The following PTPRN2 variants were observed in gnomAD, a reference collection of about 807,000 sequenced individuals.
PTPRN2 encodes protein tyrosine phosphatase receptor type N2, also known as receptor-type tyrosine-protein phosphatase N2.
In PTPRN2, 74 loss-of-function variants were observed where a neutral mutation model predicts 118.8. The ratio of observed to expected loss-of-function variants is 0.62; its 90% confidence interval spans 0.52 to 0.76. PTPRN2 has a LOEUF of 0.76. Among genes scored for constraint, PTPRN2 ranks in the 30% least tolerant of loss-of-function variants. The pLI, the probability that PTPRN2 is intolerant of heterozygous loss-of-function variation, is 0.00. For missense variants in PTPRN2, 1,481 were observed against 1,394.4 expected, an observed-to-expected ratio of 1.06 and a Z score of -0.99; for synonymous variants, 641 against 608.0, an observed-to-expected ratio of 1.05 and a Z score of -0.80.
intron 17 of PTPRN2, among the ~76,000 whole-genome samples, chr7:157,592,078 C>G (rs935932627): frequency 6.6e-6 from 1 of 152,114 alleles, no homozygotes; most frequent in East Asian, 1.9e-4. Context: ...ACCTGCTGTC[C>G]GAGATGTGTC....
At chr7:157,557,206 CCA>C (rs1235842253) in intron 21 of PTPRN2, among the ~76,000 whole-genome samples, 1 of 151,398 alleles carries the variant, frequency 6.6e-6, no homozygotes, top group African/African-American at 2.4e-5. Context: ...CACACACACC[CCA>C]CTTACATAGG....
At chr7:158,492,649 T>C (rs1821542896) in intron 1 of PTPRN2, among the ~76,000 whole-genome samples, 1 of 152,194 alleles carries the variant, frequency 6.6e-6, no homozygotes, top group African/African-American at 2.4e-5. Flanking sequence ...GAGCTGCAAA[T>C]GTTATGCATA....
intron 1 of PTPRN2, among the ~76,000 whole-genome samples, chr7:158,557,546 G>A (rs1032829792): frequency 3.3e-5 from 5 of 152,224 alleles, no homozygotes; most frequent in Admixed American, 2.6e-4. Context: ...CCGCCGCTCC[G>A]CTCAACCCGT....
At chr7:157,564,076 C>T (rs973622687) in intron 21 of PTPRN2, among the ~76,000 whole-genome samples, 8 of 152,182 alleles carry the variant, frequency 5.3e-5, no homozygotes, top group African/African-American at 1.7e-4. Flanking sequence ...AGCAGAAGGT[C>T]TTTGTGACCT....
chr7:157,649,494 A>G (rs1805467934), intron 14 of PTPRN2, among the ~76,000 whole-genome samples: 1 of 144,118 alleles, frequency 6.9e-6, no homozygotes, highest in African/African-American at 2.5e-5. Flanking sequence ...GGACCCATCC[A>G]CTGTGCACTG....
intron 3 of PTPRN2, among the ~76,000 whole-genome samples, chr7:158,285,725 C>G (rs1478541634): frequency 1.3e-5 from 2 of 152,236 alleles, no homozygotes; most frequent in Non-Finnish European, 2.9e-5. Flanking sequence ...AGGAGTGGAA[C>G]AGCGTAGAGC....
chr7:158,363,992 G>A (rs1586466831), intron 2 of PTPRN2, among the ~76,000 whole-genome samples: 2 of 152,120 alleles, frequency 1.3e-5, no homozygotes, highest in South Asian at 4.1e-4. Flanking sequence ...CCCAGACATC[G>A]CCTCCTGCCG....
intron 12 of PTPRN2, among the ~76,000 whole-genome samples, chr7:157,822,552 C>T (rs1003505646): frequency 2.6e-5 from 4 of 151,958 alleles, no homozygotes; most frequent in Admixed American, 6.6e-5. Context: ...TCCATCCAAT[C>T]ATCCGCTATC....
rs1808757452 is a variant in PTPRN2, at chr7:157,845,718, C to T, written c.1788+52955G>A. Among the ~76,000 whole-genome samples, 1 of 152,148 alleles carries T rather than the reference C, an allele frequency of 6.6e-6. No homozygotes were observed. Among genetic ancestry groups the T allele is most frequent in the Admixed American group, 6.5e-5 (1 of 15,272 alleles). On this transcript the variant is annotated intron_variant, in intron 12 of 22. Transcript: ENST00000389418. The surrounding 1 kb of genome is among the most constrained non-coding windows in gnomAD (Gnocchi z 4.5). ...AGAAACCAACATGGAGCTGAGGCCC[C>T]AGAGAGGTCCCTGTGCTCATGACTC...
intron 2 of PTPRN2, among the ~76,000 whole-genome samples, chr7:158,333,184 C>A (rs113126239): frequency 1.8e-5 from 2 of 110,622 alleles, no homozygotes; most frequent in African/African-American, 8.3e-5. Flanking sequence ...TCACTCAAAC[C>A]CACACTCTCA....
At chr7:158,204,323 G>A (rs961817534) in intron 4 of PTPRN2, among the ~76,000 whole-genome samples, 1 of 152,260 alleles carries the variant, frequency 6.6e-6, no homozygotes, top group Non-Finnish European at 1.5e-5. Flanking sequence ...TGTGTGCGGC[G>A]TGCTGGGGGA....
intron 21 of PTPRN2, among the ~76,000 whole-genome samples, chr7:157,557,552 C>CCACACACACA (rs56360906): frequency 0.034 from 5,123 of 149,654 alleles, 137 homozygotes; most frequent in East Asian, 0.14. Context: ...ACACACACTC[C>CCACACACACA]CACACACACA....
At chr7:158,446,154 G>A (rs981060619) in intron 2 of PTPRN2, among the ~76,000 whole-genome samples, 4 of 152,082 alleles carry the variant, frequency 2.6e-5, no homozygotes, top group Admixed American at 6.5e-5. Flanking sequence ...TTCCCAGCTC[G>A]CCCCAGGTCT....
chr7:158,320,541 C>T (rs1456297155), intron 2 of PTPRN2, among the ~76,000 whole-genome samples: 12 of 57,522 alleles, frequency 2.1e-4, no homozygotes, highest in Non-Finnish European at 3.2e-4. Context: ...TCCGTGTTCC[C>T]GCGTCCTCGG....
chr7:158,579,079 A>T (rs1210933318), intron 1 of PTPRN2, among the ~76,000 whole-genome samples: 1 of 152,146 alleles, frequency 6.6e-6, no homozygotes, highest in Non-Finnish European at 1.5e-5. Flanking sequence ...CACTTCTTTT[A>T]TTCAAGGGCT....
At chr7:158,379,600 C>A (rs1810803876) in intron 2 of PTPRN2, among the ~76,000 whole-genome samples, 1 of 151,744 alleles carries the variant, frequency 6.6e-6, no homozygotes, top group Non-Finnish European at 1.5e-5. Flanking sequence ...ATAGCACAGA[C>A]AAAGATGGAG....
chr7:157,570,328 G>C (rs1198982283), intron 20 of PTPRN2, among the ~76,000 whole-genome samples: 1 of 152,206 alleles, frequency 6.6e-6, no homozygotes, highest in South Asian at 2.1e-4. Flanking sequence ...ACATTTGTGG[G>C]TAAAAAAGAT....
At chr7:157,555,412 G>A (rs1052923308) in intron 21 of PTPRN2, among the ~76,000 whole-genome samples, 13 of 152,190 alleles carry the variant, frequency 8.5e-5, no homozygotes, top group East Asian at 1.9e-4. Context: ...ATATGCCACC[G>A]GTGTCTCTTT....
At chr7:158,375,335 T>C (rs1810416233) in intron 2 of PTPRN2, among the ~76,000 whole-genome samples, 2 of 152,206 alleles carry the variant, frequency 1.3e-5, no homozygotes, top group South Asian at 4.1e-4. Context: ...GACACAGGCA[T>C]AGTCCAGGCA....
Sources: allele counts gnomAD v4.1 joint callset (sites outside exome capture counted in the v4.1 genomes callset), GRCh38; gene constraint gnomAD v4.1.1; non-coding constraint Gnocchi (gnomAD v3.1); transcripts MANE v1.5; gene names NCBI Gene and HGNC (gene_info 2026-07-23, HGNC 2026-07-21).